Variants in ZNF653 observed in about 807,000 individuals in gnomAD.
The protein encoded by ZNF653 is zinc finger protein 653, also known as 67 kDa zinc finger protein.
ZNF653 carries 37 observed loss-of-function variants against 59.9 expected under a neutral mutation model. The ratio of observed to expected loss-of-function variants is 0.62; its 90% CI spans 0.48 to 0.81. The LOEUF is 0.81. ZNF653 is among the 40% of genes least tolerant of loss of function. The pLI, the probability that ZNF653 is intolerant of heterozygous loss-of-function variation, is 0.00. For missense variants in ZNF653, 808 were observed against 881.1 expected (o/e 0.92, Z 1.05); for synonymous variants, 435 against 371.8 (o/e 1.17, Z -1.96).
At chr19:11,496,334 A>C (rs113476754) in intron 2 of ZNF653, among the ~76,000 whole-genome samples, 169 bp from the exon 3 acceptor site, 2 of 152,106 alleles carry the variant, frequency 1.3e-5, no homozygotes, top group African/African-American at 4.8e-5. Context: ...CAGAGAGGAG[A>C]GGCACCCCCT....
intron 1 of ZNF653, 142 bp downstream of exon 1, chr19:11,505,346 C>T (rs976675239): frequency 5.8e-6 from 5 of 862,440 alleles, no homozygotes; most frequent in Admixed American, 4.3e-5. Flanking sequence ...CCAGGCAGTA[C>T]GAGACCCAGG....
At chr19:11,483,890 G>T in intron 8 of ZNF653, 31 bp from the exon 9 acceptor site, 1 of 1,538,046 alleles carries the variant, frequency 6.5e-7, no homozygotes, top group Non-Finnish European at 8.8e-7. Context: ...GACGGGGCGG[G>T]GTCAGAGTGG....
chr19:11,503,053 G>T (rs1971664414), intron 1 of ZNF653, among the ~76,000 whole-genome samples: 1 of 151,730 alleles, frequency 6.6e-6, no homozygotes, highest in Non-Finnish European at 1.5e-5. Context: ...AAAGGTGGGG[G>T]GGGCATCAGG....
rs903925568 is a variant in ZNF653, at chr19:11,483,715, C to T, written c.1815G>A (p.Thr605=). The T allele has an allele frequency of 5.6e-6, 9 of 1,613,314 alleles. No homozygotes were observed. The African/African-American group carries it at 9.3e-5, about 17-fold the overall frequency. ...GCTTGTGATCCGGGTGGCTTTTGAG[C>T]GTGTGGAACTTGACGCTGTCCAGCT... is the stretch of plus-strand genomic sequence containing the variant. ...FEKLDSVKFH[T]LKSHPDHKPT Residue 605 remains threonine (T), a synonymous_variant, in exon 9 of 9, where the codon ACG becomes ACA. Coordinates refer to ENST00000293771, the MANE Select transcript of ZNF653 (RefSeq NM_138783.4).
At chr19:11,503,977 C>A (rs1023317926) in intron 1 of ZNF653, among the ~76,000 whole-genome samples, 3 of 152,150 alleles carry the variant, frequency 2.0e-5, no homozygotes, top group Non-Finnish European at 4.4e-5. Context: ...GAGTGACGTG[C>A]ACCTGTGGTC....
intron 1 of ZNF653, among the ~76,000 whole-genome samples, chr19:11,503,733 G>A (rs1971671213): frequency 6.6e-6 from 1 of 152,128 alleles, no homozygotes; most frequent in South Asian, 2.1e-4. Flanking sequence ...TTGAGCCTGG[G>A]AGGTTGAGGC....
chr19:11,490,349 C>G (rs1168785020), intron 3 of ZNF653, among the ~76,000 whole-genome samples: 1 of 152,190 alleles, frequency 6.6e-6, no homozygotes, highest in Non-Finnish European at 1.5e-5. Context: ...GTTCACCAAT[C>G]TGGGACTGTT....
At chr19:11,489,268 G>A (rs868364040) in intron 3 of ZNF653, among the ~76,000 whole-genome samples, 5 of 149,270 alleles carry the variant, frequency 3.3e-5, no homozygotes, top group Non-Finnish European at 7.4e-5. Context: ...GGTGCGATCC[G>A]GGCTCACTGC....
chr19:11,491,470 G>A (rs1282447919), intron 3 of ZNF653, among the ~76,000 whole-genome samples: 1 of 152,178 alleles, frequency 6.6e-6, no homozygotes, highest in East Asian at 1.9e-4. Flanking sequence ...GAGCTGGAGT[G>A]CGTCTGTTTC....
intron 1 of ZNF653, chr19:11,504,543 A>G (rs1248148893): frequency 4.1e-6 from 4 of 985,450 alleles, no homozygotes; most frequent in Non-Finnish European, 4.8e-6. Flanking sequence ...TCTTGAGCAT[A>G]TAAGCCAGCC....
chr19:11,504,499 G>A lies in ZNF653; in HGVS notation c.299+989C>T, dbSNP rs535483015. On this transcript the variant is annotated intron_variant, in intron 1 of 8. Coordinates refer to ENST00000293771, the MANE Select transcript of ZNF653 (RefSeq NM_138783.4). ...ACCAGAATGTCCGCTCCATGAGGCAGGTATCTTTGCGCTCCCAGCATTTCC... is the reference window on the plus strand; with the variant it reads ...ACCAGAATGTCCGCTCCATGAGGCAAGTATCTTTGCGCTCCCAGCATTTCC... 85 of 985,208 alleles carry A rather than the reference G, an allele frequency of 8.6e-5. 1 individual carries two copies. In the South Asian group the frequency reaches 3.5e-3, roughly 40 times the overall value. 61.0% of individuals were successfully genotyped at this position (985,208 alleles called of 1,614,324 possible).
chr19:11,487,305 G>T lies in ZNF653; in HGVS notation c.1158C>A (p.Ile386=), dbSNP rs765481807. 8 of 1,605,010 alleles carry T rather than the reference G, an allele frequency of 5.0e-6. No individual in the cohort carries two copies. Among genetic ancestry groups the T allele is most frequent in the Non-Finnish European group, 6.8e-6 (8 of 1,177,842 alleles). The part of the protein sequence containing the change: ...STMDATAVAG[I]ETKKEKEDLC... The stretch of plus-strand genomic sequence containing the variant: ...GGTCCCCCAGACCTTTCTTGGTCTC[G>T]ATGCCTGCTACTGCGGTGGCGTCCA... Residue 386 remains isoleucine, a synonymous_variant, in exon 4 of 9, where the codon ATC becomes ATA. Coordinates refer to ENST00000293771, the MANE Select transcript of ZNF653 (RefSeq NM_138783.4). This position sits in a 1 kb window ranked among gnomAD's most constrained non-coding sequence, Gnocchi z 5.1.
intron 3 of ZNF653, among the ~76,000 whole-genome samples, chr19:11,494,609 G>A (rs1159351757): frequency 6.6e-6 from 1 of 152,158 alleles, no homozygotes; most frequent in Non-Finnish European, 1.5e-5. Context: ...AGAATGGCTG[G>A]AACCTGAGGC....
chr19:11,486,942 C>T lies in ZNF653; in HGVS notation c.1343+45G>A, dbSNP rs781321230. ...ACCAGGCAGGCTGGGGGCCTGCGGG[C>T]CGCTTCTAGCCCTCGCCCTCACCCT... On this transcript the variant is annotated intron_variant, in intron 5 of 8. Coordinates refer to ENST00000293771, the MANE Select transcript of ZNF653 (RefSeq NM_138783.4). 1.5e-5 allele frequency: 24 copies of T among 1,610,218 alleles called. No individual in the cohort carries two copies. In the African/African-American group the frequency reaches 1.9e-4, roughly 13 times the overall value.
chr19:11,486,662 G>A, intron 6 of ZNF653, 107 bp downstream of exon 6: 2 of 934,606 alleles, frequency 2.1e-6, no homozygotes, highest in East Asian at 2.6e-5. Context: ...TGCCTTCAGG[G>A]ACACCTCGTC....
chr19:11,503,791 G>A (rs1170922069), intron 1 of ZNF653, among the ~76,000 whole-genome samples: 1 of 152,030 alleles, frequency 6.6e-6, no homozygotes, highest in African/African-American at 2.4e-5. Context: ...GGGTGACAAA[G>A]TGAGACCCTG....
intron 1 of ZNF653, among the ~76,000 whole-genome samples, chr19:11,501,253 A>G (rs1194690289): frequency 6.8e-6 from 1 of 147,742 alleles, no homozygotes; most frequent in Non-Finnish European, 1.5e-5. Flanking sequence ...ATCACAGCTC[A>G]CTGAAGCTTC....
rs1338692718 is a variant in ZNF653 at position 11,483,789 on chromosome 19, C to T, written c.1741G>A (p.Glu581Lys). Residue 581 changes from glutamate (E) to lysine (K), a missense_variant, in exon 9 of 9, where the codon GAG becomes AAG. By Grantham distance (56) the Glu-to-Lys change is moderately conservative. Transcript: ENST00000293771. ...TCGCACGTGAAGTTGTACTGCACCT[C>T]CGCAGTGTGCTTCTTCATGTGCCAG... is the stretch of plus-strand genomic sequence containing the variant. Reference protein sequence around the residue: ...LNWHMKKHTAEVQYNFTCDRC... With the variant: ...LNWHMKKHTAKVQYNFTCDRC... 6.2e-7 allele frequency: 1 copy of T among 1,613,036 alleles called. No homozygotes were observed. The highest frequency in any genetic ancestry group is 8.5e-7 in the Non-Finnish European group (1 of 1,179,482).
intron 6 of ZNF653, among the ~76,000 whole-genome samples, chr19:11,486,143 TACAG>T: frequency 6.6e-6 from 1 of 152,184 alleles, no homozygotes; most frequent in East Asian, 1.9e-4. Context: ...TATTTTTTAG[TACAG>T]ACAGGGTTTC....
Sources: gnomAD v4.1 joint callset for allele counts (sites outside exome capture counted in the v4.1 genomes callset) on GRCh38, gnomAD v4.1.1 for gene constraint, Gnocchi (gnomAD v3.1) non-coding constraint, MANE v1.5 for transcripts, NCBI Gene and HGNC (gene_info 2026-07-23, HGNC 2026-07-21) for gene names.